The following TSHZ2 variants were observed in gnomAD, a reference collection of about 807,000 sequenced individuals.
TSHZ2 encodes the protein teashirt zinc finger homeobox 2, also known as teashirt homolog 2.
TSHZ2 carries 21 observed loss-of-function variants against 74.4 expected under a neutral mutation model. That is an observed-to-expected ratio of 0.28 (90% CI 0.20 to 0.41). The LOEUF is 0.41. Ranked by LOEUF, TSHZ2 falls within the 10% of genes least tolerant of loss-of-function variation. TSHZ2 has a pLI of 1.00. For missense variants in TSHZ2, 1,244 were observed against 1,293.5 expected, an observed-to-expected ratio of 0.96 and a Z score of 0.59; for synonymous variants, 540 against 515.3, an observed-to-expected ratio of 1.05 and a Z score of -0.65.
At chr20:52,975,251 C>CT (rs5841921) in intron 1 of TSHZ2, among the ~76,000 whole-genome samples, 174 of 147,158 alleles carry the variant, frequency 1.2e-3, no homozygotes, top group African/African-American at 1.4e-3. Flanking sequence ...GAAAATTACT[C>CT]TTTTTTTTTT....
chr20:53,099,420 C>G (rs1347884685), intron 1 of TSHZ2, among the ~76,000 whole-genome samples: 2 of 152,018 alleles, frequency 1.3e-5, no homozygotes, highest in Non-Finnish European at 1.5e-5. Context: ...TCCACAATCT[C>G]TCACATCTGA....
chr20:53,153,340 T>C (rs923321501), intron 1 of TSHZ2, among the ~76,000 whole-genome samples: 4 of 152,162 alleles, frequency 2.6e-5, no homozygotes, highest in African/African-American at 9.7e-5. Context: ...AAGAGGTCCC[T>C]GTCACCAGGT....
chr20:52,996,388 A>C (rs1385485163), intron 1 of TSHZ2, among the ~76,000 whole-genome samples: 2 of 151,684 alleles, frequency 1.3e-5, no homozygotes, highest in African/African-American at 4.8e-5. Context: ...TGAAATGATG[A>C]AGATGCTCAT....
At chr20:53,142,300 C>T (rs1487985315) in intron 1 of TSHZ2, among the ~76,000 whole-genome samples, 1 of 150,160 alleles carries the variant, frequency 6.7e-6, no homozygotes. Context: ...TCCTGTCCTG[C>T]CCCCAGCAGC....
rs1983729912 is a variant in TSHZ2 at position 53,033,841 on chromosome 20, G to A, written c.40+60508G>A. Among the ~76,000 whole-genome samples the A allele has an allele frequency of 3.3e-5, 5 of 151,550 alleles. No homozygotes were observed. The South Asian group carries it at 1.0e-3, about 31-fold the overall frequency. On this transcript the variant is annotated intron_variant, in intron 1 of 2. Coordinates refer to ENST00000371497, the MANE Select transcript of TSHZ2 (RefSeq NM_173485.6). ...GGCCTGGATAATTTTTGTATTTTTG[G>A]TGGAGACAGGATTTCACCACGTCGG...
At chr20:53,106,114 G>A (rs1986356578) in intron 1 of TSHZ2, among the ~76,000 whole-genome samples, 1 of 151,854 alleles carries the variant, frequency 6.6e-6, no homozygotes, top group South Asian at 2.1e-4. Flanking sequence ...ATCTTCTATT[G>A]GCTATTCTGA....
chr20:53,383,745 G>A (rs962872322), intron 2 of TSHZ2, among the ~76,000 whole-genome samples: 15 of 152,148 alleles, frequency 9.9e-5, no homozygotes, highest in Admixed American at 7.9e-4. Context: ...TGGTGACAGA[G>A]TGAGACTCCG....
chr20:53,142,138 A>ATT lies in TSHZ2; in HGVS notation c.41-111361_41-111360insTT, dbSNP rs34946055. 0.028 allele frequency among the ~76,000 whole-genome samples: 4,308 copies of ATT among 152,274 alleles called. 418 individuals carry two copies. In the East Asian group the frequency reaches 0.34, roughly 12 times the overall value. Reference sequence around the variant, plus strand: ...AAACTCACCTCAAAATGACTTAAGGAAAGAGATAAAGGAGAAGAAAGATAG... The same window carrying ATT: ...AAACTCACCTCAAAATGACTTAAGGATTAAGAGATAAAGGAGAAGAAAGATAG... On this transcript the variant is annotated intron_variant, in intron 1 of 2. Coordinates refer to ENST00000371497, the MANE Select transcript of TSHZ2 (RefSeq NM_173485.6).
chr20:53,046,732 G>A (rs114066241), intron 1 of TSHZ2, among the ~76,000 whole-genome samples: 11 of 152,230 alleles, frequency 7.2e-5, no homozygotes, highest in East Asian at 3.9e-4. Flanking sequence ...AGCCTTGGAC[G>A]TTCAGCCCCA....
intron 1 of TSHZ2, among the ~76,000 whole-genome samples, chr20:53,213,422 C>T (rs1989358500): frequency 6.6e-6 from 1 of 152,184 alleles, no homozygotes; most frequent in Non-Finnish European, 1.5e-5. Context: ...TAATAGGAAC[C>T]ACCCAGCACT....
intron 1 of TSHZ2, among the ~76,000 whole-genome samples, chr20:52,995,041 T>G (rs1568710183): frequency 6.6e-6 from 1 of 152,218 alleles, no homozygotes; most frequent in African/African-American, 2.4e-5. Flanking sequence ...GGATTGAAGC[T>G]CAGGTGTGTT....
intron 1 of TSHZ2, among the ~76,000 whole-genome samples, chr20:53,082,976 T>C (rs1985583169): frequency 6.6e-6 from 1 of 152,178 alleles, no homozygotes; most frequent in Non-Finnish European, 1.5e-5. Flanking sequence ...TGACACTTAG[T>C]GGTGGTAACT....
intron 1 of TSHZ2, among the ~76,000 whole-genome samples, chr20:53,226,118 TAACACACACACACACACACACACACA>T (rs758920385): frequency 1.3e-4 from 15 of 118,588 alleles, no homozygotes; most frequent in Middle Eastern, 3.7e-3. Flanking sequence ...AGACTAAATT[TAACACACACACACACACACACACACA>T]CACACACACA....
At chr20:53,209,462 G>T (rs1989249618) in intron 1 of TSHZ2, among the ~76,000 whole-genome samples, 1 of 152,154 alleles carries the variant, frequency 6.6e-6, no homozygotes, top group South Asian at 2.1e-4. Context: ...TCATGGGCTG[G>T]CCCATTTTAT....
At chr20:53,069,660 G>T (rs1039820407) in intron 1 of TSHZ2, among the ~76,000 whole-genome samples, 1 of 96,702 alleles carries the variant, frequency 1.0e-5, no homozygotes, top group Non-Finnish European at 1.9e-5. Context: ...TCAATGCTTT[G>T]ATACACACAC....
In TSHZ2 at chr20:53,254,798, G is replaced by T; in HGVS notation, c.1340G>T (p.Ser447Ile). ...GATTCTCTGGCTCCCAAGCCATCCA[G>T]TAACTCAGCATCAGATTGTACAGCC... The part of the protein sequence containing the change: ...NSDSLAPKPS[S>I]NSASDCTAST... The change falls in exon 2 of 3, where the codon AGT becomes ATT. Residue 447 changes from serine (S) to isoleucine (I), a missense_variant. Coordinates refer to ENST00000371497, the MANE Select transcript of TSHZ2 (RefSeq NM_173485.6). The T allele has an allele frequency of 6.2e-7, 1 of 1,613,528 alleles. No individual in the cohort carries two copies. Among genetic ancestry groups the T allele is most frequent in the Non-Finnish European group, 8.5e-7 (1 of 1,179,708 alleles).
At chr20:53,401,200 C>T (rs1212897200) in intron 2 of TSHZ2, 1 of 152,058 alleles carries the variant, frequency 6.6e-6, no homozygotes, top group East Asian at 1.9e-4. Flanking sequence ...AGGTGACTGC[C>T]CTCAGGGACC....
chr20:53,383,962 T>A (rs939634221), intron 2 of TSHZ2, among the ~76,000 whole-genome samples: 4 of 152,152 alleles, frequency 2.6e-5, no homozygotes, highest in Admixed American at 6.5e-5. Context: ...CAGATCCTAC[T>A]TTGGCAGTTT....
At chr20:53,249,636 C>G (rs897530053) in intron 1 of TSHZ2, among the ~76,000 whole-genome samples, 1 of 152,172 alleles carries the variant, frequency 6.6e-6, no homozygotes, top group Non-Finnish European at 1.5e-5. Context: ...TCAGAAAAAT[C>G]TGCAAAGGCA....
Sources: gnomAD v4.1 joint callset for allele counts (sites outside exome capture counted in the v4.1 genomes callset) on GRCh38, gnomAD v4.1.1 for gene constraint, MANE v1.5 for transcripts, NCBI Gene and HGNC (gene_info 2026-07-23, HGNC 2026-07-21) for gene names.